The following CHN1 variants were observed in gnomAD, a reference collection of about 807,000 sequenced individuals.
The protein encoded by CHN1 is N-chimaerin.
Under a neutral mutation model 59.5 loss-of-function variants are expected in CHN1, and 37 were observed. The ratio of observed to expected loss-of-function variants is 0.62; its 90% confidence interval spans 0.48 to 0.82. The LOEUF is 0.82. CHN1 is among the 40% of genes least tolerant of loss of function. The probability of loss-of-function intolerance (pLI) is 0.00; values close to 1 mark genes in which losing one functional copy is unlikely to be tolerated. For synonymous variants in CHN1, 206 were observed against 200.4 expected, an observed-to-expected ratio of 1.03 and a Z score of -0.24; for missense variants, 469 against 571.0, an observed-to-expected ratio of 0.82 and a Z score of 1.82.
At chr2:174,898,226 T>G (rs2105353613) in intron 5 of CHN1, among the ~76,000 whole-genome samples, 1 of 152,296 alleles carries the variant, frequency 6.6e-6, no homozygotes, top group South Asian at 2.1e-4. Flanking sequence ...GCCTCTCACC[T>G]TGTGGAGAGC....
chr2:174,993,808 G>C (rs969152403), intron 1 of CHN1, among the ~76,000 whole-genome samples: 1 of 151,970 alleles, frequency 6.6e-6, no homozygotes, highest in Non-Finnish European at 1.5e-5. Context: ...ATTCTTCCTA[G>C]AAAAACAAGA....
intron 1 of CHN1, among the ~76,000 whole-genome samples, chr2:174,990,328 C>T (rs891991647): frequency 3.1e-3 from 6 of 1,962 alleles, no homozygotes; most frequent in Non-Finnish European, 5.3e-3. Context: ...TGGGGGGGTG[C>T]GGGGGGGCGG....
intron 3 of CHN1, among the ~76,000 whole-genome samples, chr2:174,923,555 G>C (rs919102998): frequency 6.6e-6 from 1 of 152,178 alleles, no homozygotes; most frequent in Non-Finnish European, 1.5e-5. Context: ...CAAATCATGA[G>C]ATCTTTGCAG....
intron 3 of CHN1, among the ~76,000 whole-genome samples, chr2:174,919,143 G>T (rs1688931868): frequency 6.6e-6 from 1 of 152,200 alleles, no homozygotes; most frequent in Non-Finnish European, 1.5e-5. Context: ...GCAAATATGT[G>T]ACAGGCATTG....
At chr2:174,976,427 C>T (rs758341113) in intron 1 of CHN1, among the ~76,000 whole-genome samples, 7 of 151,810 alleles carry the variant, frequency 4.6e-5, no homozygotes, top group Non-Finnish European at 8.8e-5. Flanking sequence ...TTAGTACAGA[C>T]GGGGTTTCAC....
At chr2:174,872,212 A>T (rs1687431237) in intron 6 of CHN1, among the ~76,000 whole-genome samples, 1 of 152,174 alleles carries the variant, frequency 6.6e-6, no homozygotes, top group Admixed American at 6.5e-5. Flanking sequence ...TGAGCCCAGG[A>T]GGTCAAGGCT....
At chr2:174,816,757 A>G (rs571067311) in intron 8 of CHN1, among the ~76,000 whole-genome samples, 9 of 152,098 alleles carry the variant, frequency 5.9e-5, no homozygotes, top group Non-Finnish European at 1.5e-5. Flanking sequence ...TATTGGGAGT[A>G]ATAAAAGCAT....
At chr2:174,856,221 A>G (rs896945787) in intron 6 of CHN1, among the ~76,000 whole-genome samples, 1 of 152,166 alleles carries the variant, frequency 6.6e-6, no homozygotes, top group Non-Finnish European at 1.5e-5. Flanking sequence ...AAATTTTTAT[A>G]TTACACAGAA....
Position 174,810,566 on chromosome 2 carries a change from G to A in CHN1, c.964+945C>T, listed in dbSNP as rs549256268. ...AGTTGCAGAGCTTCCAGAGTAAAGA[G>A]ATGCTTCTTCCCATTCAATCTGGCA... On this transcript the variant is annotated intron_variant, in intron 10 of 12. Coordinates refer to ENST00000409900, the MANE Select transcript of CHN1 (RefSeq NM_001822.7). Among the ~76,000 whole-genome samples the A allele has an allele frequency of 3.8e-4, 58 of 152,324 alleles. No homozygotes were observed. The South Asian group carries it at 0.011, about 30-fold the overall frequency.
At chr2:174,848,007 T>C (rs1266908081) in intron 6 of CHN1, among the ~76,000 whole-genome samples, 2 of 152,122 alleles carry the variant, frequency 1.3e-5, no homozygotes, top group Non-Finnish European at 2.9e-5. Context: ...AACCCAATTT[T>C]ATTAAAGACA....
chr2:174,810,048 A>G (rs1685023563), intron 10 of CHN1, among the ~76,000 whole-genome samples: 1 of 152,170 alleles, frequency 6.6e-6, no homozygotes, highest in Admixed American at 6.5e-5. Context: ...CCAGCATCCT[A>G]TGGATATTGT....
At chr2:174,983,164 G>C (rs886634559) in intron 1 of CHN1, among the ~76,000 whole-genome samples, 3 of 152,082 alleles carry the variant, frequency 2.0e-5, no homozygotes, top group Non-Finnish European at 4.4e-5. Flanking sequence ...ACATAGATGT[G>C]ATCAGTTTGA....
chr2:174,983,829 A>AGAATAAAT (rs1553489921), intron 1 of CHN1, among the ~76,000 whole-genome samples: 1 of 151,928 alleles, frequency 6.6e-6, no homozygotes, highest in African/African-American at 2.4e-5. Context: ...CTCCGTCTTA[A>AGAATAAAT]AAATAAATAA....
At chr2:174,885,104 G>A (rs562935979) in intron 5 of CHN1, among the ~76,000 whole-genome samples, 363 of 151,218 alleles carry the variant, frequency 2.4e-3, no homozygotes, top group African/African-American at 6.9e-3. Flanking sequence ...TGGCTAACAT[G>A]GTGAAACCCC....
At chr2:174,833,549 A>C (rs2105414729) in intron 7 of CHN1, among the ~76,000 whole-genome samples, 1 of 152,250 alleles carries the variant, frequency 6.6e-6, no homozygotes, top group East Asian at 1.9e-4. Flanking sequence ...TTTCCTGTAC[A>C]CAGCATATCA....
At chr2:174,871,202 C>T (rs1041318849) in intron 6 of CHN1, among the ~76,000 whole-genome samples, 4 of 81,136 alleles carry the variant, frequency 4.9e-5, no homozygotes, top group Non-Finnish European at 6.6e-5. Flanking sequence ...TGAACATAGC[C>T]CTAAAGAGGA....
intron 6 of CHN1, among the ~76,000 whole-genome samples, chr2:174,853,397 A>G (rs1174398582): frequency 1.3e-5 from 2 of 152,224 alleles, no homozygotes; most frequent in African/African-American, 2.4e-5. Flanking sequence ...AAAATGAGAT[A>G]CCATCTCACA....
At chr2:174,999,793 A>C (rs554895245) in intron 1 of CHN1, among the ~76,000 whole-genome samples, 1 of 152,340 alleles carries the variant, frequency 6.6e-6, no homozygotes, top group East Asian at 1.9e-4. Context: ...ACAGGCCTAA[A>C]AGGCCGGGAG....
chr2:174,987,083 GTAAGAATACAGTATACAATACATA>G (rs1691374228), intron 1 of CHN1, among the ~76,000 whole-genome samples: 1 of 152,090 alleles, frequency 6.6e-6, no homozygotes. Flanking sequence ...TTACTTTATT[GTAAGAATACAGTATACAATACATA>G]TAACACAAAA....
Sources: gnomAD v4.1 joint callset for allele counts (sites outside exome capture counted in the v4.1 genomes callset) on GRCh38, gnomAD v4.1.1 for gene constraint, MANE v1.5 for transcripts, NCBI Gene and HGNC (gene_info 2026-07-23, HGNC 2026-07-21) for gene names.